The following RUNDC3B variants were observed in gnomAD, a reference collection of about 807,000 sequenced individuals.
RUNDC3B encodes RUN domain-containing protein 3B.
In RUNDC3B, 33 loss-of-function variants were observed where a neutral mutation model predicts 58.4. The observed-to-expected ratio is 0.56, with a 90% CI of 0.43 to 0.75. The LOEUF (loss-of-function observed/expected upper bound fraction) is 0.75, where lower values mean the gene tolerates loss of function less well. RUNDC3B is among the 30% of genes least tolerant of loss of function. The pLI is 0.00. For synonymous variants in RUNDC3B, 193 were observed against 195.2 expected, an observed-to-expected ratio of 0.99 and a Z score of 0.10; for missense variants, 501 against 535.7, an observed-to-expected ratio of 0.94 and a Z score of 0.64.
rs892980508 is a variant in RUNDC3B, at chr7:87,629,020, G to C, written c.122+75G>C. The C allele has an allele frequency of 1.7e-5, 21 of 1,248,606 alleles. No individual in the cohort carries two copies. In the East Asian group the frequency reaches 1.8e-4, roughly 11 times the overall value. The allele number at this position is 1,248,606 out of a possible 1,614,324, so 77.3% of individuals were successfully genotyped here. A position where few individuals can be genotyped will look rare whatever the true frequency, so the allele number is the denominator to read the frequency against. On this transcript the variant is annotated intron_variant, in intron 1 of 10. Transcript: ENST00000394654. ...CTCTGGGCTTCCGCGCGGGTCCTTG[G>C]GGGTCCCGGGCATGATGGGCTGCCG...
intron 6 of RUNDC3B, among the ~76,000 whole-genome samples, chr7:87,746,438 GCTGT>G (rs1191282032): frequency 7.9e-5 from 12 of 152,142 alleles, no homozygotes; most frequent in Non-Finnish European, 1.6e-4. Flanking sequence ...TTATTGTGTT[GCTGT>G]CTATCTCATT....
intron 10 of RUNDC3B, among the ~76,000 whole-genome samples, chr7:87,825,122 T>C (rs1283238694): frequency 6.6e-6 from 1 of 151,786 alleles, no homozygotes; most frequent in African/African-American, 2.4e-5. Flanking sequence ...CTTGGGAGGC[T>C]GAGGCAGAAG....
intron 8 of RUNDC3B, among the ~76,000 whole-genome samples, chr7:87,792,951 G>A (rs562909269): frequency 5.3e-5 from 8 of 151,932 alleles, no homozygotes; most frequent in South Asian, 2.1e-4. Flanking sequence ...AACCCTTGCC[G>A]GACTAATGAA....
At chr7:87,708,307 C>A (rs1230413964) in intron 3 of RUNDC3B, among the ~76,000 whole-genome samples, 1 of 151,856 alleles carries the variant, frequency 6.6e-6, no homozygotes, top group South Asian at 2.1e-4. Flanking sequence ...GAAGAAGAGG[C>A]CAAGTGTGTA....
chr7:87,700,138 C>A (rs1036768483), intron 2 of RUNDC3B, among the ~76,000 whole-genome samples: 1 of 151,970 alleles, frequency 6.6e-6, no homozygotes, highest in East Asian at 1.9e-4. Context: ...TGTTAAATGG[C>A]AAGATATTTC....
At chr7:87,736,506 A>T (rs1318449969) in intron 4 of RUNDC3B, among the ~76,000 whole-genome samples, 1 of 151,922 alleles carries the variant, frequency 6.6e-6, no homozygotes, top group Admixed American at 6.6e-5. Context: ...ATACTTTTCT[A>T]GTCACTAATG....
chr7:87,668,146 T>C (rs1563117613), intron 2 of RUNDC3B, among the ~76,000 whole-genome samples: 1 of 151,976 alleles, frequency 6.6e-6, no homozygotes, highest in Non-Finnish European at 1.5e-5. Flanking sequence ...GGCTATTTAT[T>C]ACTGATTTGA....
At chr7:87,775,514 T>G (rs1188076415) in intron 7 of RUNDC3B, among the ~76,000 whole-genome samples, 1 of 152,112 alleles carries the variant, frequency 6.6e-6, no homozygotes, top group Non-Finnish European at 1.5e-5. Flanking sequence ...AAAAATAAAT[T>G]TAGTATAGCC....
chr7:87,817,990 A>T (rs913590666), intron 10 of RUNDC3B, among the ~76,000 whole-genome samples: 1 of 152,158 alleles, frequency 6.6e-6, no homozygotes, highest in African/African-American at 2.4e-5. Flanking sequence ...GCTTTCTTTA[A>T]GTTGGTTGTT....
intron 6 of RUNDC3B, among the ~76,000 whole-genome samples, chr7:87,754,113 C>T (rs1386126223): frequency 6.6e-6 from 1 of 152,120 alleles, no homozygotes; most frequent in African/African-American, 2.4e-5. Context: ...ACTGAACTTT[C>T]CACCTCCAAA....
At chr7:87,803,764 C>G (rs1584247538) in intron 8 of RUNDC3B, among the ~76,000 whole-genome samples, 2 of 152,016 alleles carry the variant, frequency 1.3e-5, no homozygotes, top group East Asian at 3.9e-4. Context: ...ATATTTTTTT[C>G]GATTGTCATG....
intron 2 of RUNDC3B, among the ~76,000 whole-genome samples, chr7:87,699,368 A>G (rs1006346712): frequency 6.6e-6 from 1 of 152,196 alleles, no homozygotes; most frequent in Non-Finnish European, 1.5e-5. Context: ...TACTGAGTGT[A>G]GAAAATGTTT....
chr7:87,776,591 A>C (rs182440858), intron 7 of RUNDC3B, among the ~76,000 whole-genome samples: 21 of 152,194 alleles, frequency 1.4e-4, no homozygotes, highest in African/African-American at 4.8e-4. Context: ...ATTGACTTTT[A>C]AAGTATTGGT....
intron 8 of RUNDC3B, among the ~76,000 whole-genome samples, chr7:87,785,036 G>A (rs1345907464): frequency 2.0e-5 from 3 of 152,028 alleles, no homozygotes; most frequent in Non-Finnish European, 4.4e-5. Context: ...ACTGGGTCAA[G>A]GGCATAGGAT....
intron 9 of RUNDC3B, among the ~76,000 whole-genome samples, chr7:87,811,378 G>T (rs1836704513): frequency 6.6e-6 from 1 of 151,382 alleles, no homozygotes; most frequent in Admixed American, 6.6e-5. Context: ...TCTGTCGCCA[G>T]GCTAGAGTGC....
chr7:87,763,906 C>T (rs1463434945), intron 6 of RUNDC3B, among the ~76,000 whole-genome samples: 1 of 151,714 alleles, frequency 6.6e-6, no homozygotes. Flanking sequence ...ATGCCATAGT[C>T]AGGAGCCCAA....
intron 10 of RUNDC3B, among the ~76,000 whole-genome samples, chr7:87,823,529 A>G (rs964901029): frequency 6.6e-5 from 10 of 151,896 alleles, no homozygotes; most frequent in Admixed American, 6.6e-4. Flanking sequence ...CCTGAGCAGT[A>G]TACACTGCAC....
intron 6 of RUNDC3B, among the ~76,000 whole-genome samples, chr7:87,752,762 C>T (rs1244619905): frequency 6.6e-6 from 1 of 152,048 alleles, no homozygotes; most frequent in African/African-American, 2.4e-5. Flanking sequence ...TGATTCTTCT[C>T]TCTTTTTTTC....
chr7:87,777,549 A>G (rs1834701196), intron 7 of RUNDC3B, among the ~76,000 whole-genome samples: 1 of 152,230 alleles, frequency 6.6e-6, no homozygotes, highest in African/African-American at 2.4e-5. Flanking sequence ...TAGAAATTAC[A>G]ATGTTTTAAC....
Sources: gnomAD v4.1 joint callset for allele counts (sites outside exome capture counted in the v4.1 genomes callset) on GRCh38, gnomAD v4.1.1 for gene constraint, MANE v1.5 for transcripts, NCBI Gene and HGNC (gene_info 2026-07-23, HGNC 2026-07-21) for gene names.